The following NHS variants were observed in gnomAD, a reference collection of about 807,000 sequenced individuals.
NHS encodes NHS actin remodeling regulator, also known as actin remodeling regulator NHS.
Under a neutral mutation model 72.5 loss-of-function variants are expected in NHS, and 5 were observed. The ratio of observed to expected loss-of-function variants is 0.07; its 90% CI spans 0.04 to 0.14. The LOEUF (loss-of-function observed/expected upper bound fraction) is 0.14. Ranked by LOEUF, NHS falls within the 10% of genes least tolerant of loss-of-function variation. The pLI is 1.00. For missense variants in NHS, 1,072 were observed against 1,355.7 expected, an observed-to-expected ratio of 0.79 and a Z score of 3.29; for synonymous variants, 464 against 547.7, an observed-to-expected ratio of 0.85 and a Z score of 2.13.
intron 1 of NHS, among the ~76,000 whole-genome samples, chrX:17,422,838 C>T (rs1011530632): frequency 1.8e-5 from 2 of 111,368 alleles, no homozygotes; most frequent in African/African-American, 6.5e-5. Flanking sequence ...TTGTTATGTA[C>T]TTGGTTGAGT....
At chrX:17,544,145 C>T (rs1216174368) in intron 1 of NHS, among the ~76,000 whole-genome samples, 3 of 112,339 alleles carry the variant, frequency 2.7e-5, no homozygotes, top group Non-Finnish European at 3.7e-5. Flanking sequence ...TCATGTATAA[C>T]GTCATTTAAT....
intron 1 of NHS, chrX:17,635,644 G>A (rs2065842596): frequency 8.8e-7 from 1 of 1,130,138 alleles, no homozygotes; most frequent in Non-Finnish European, 1.2e-6. Flanking sequence ...AAAGGGGAGG[G>A]GGAGGCTGGG....
intron 1 of NHS, among the ~76,000 whole-genome samples, chrX:17,398,414 T>C (rs1223282156): frequency 8.9e-6 from 1 of 112,589 alleles, no homozygotes; most frequent in Non-Finnish European, 1.9e-5. Context: ...AAAATCAGCA[T>C]GTGAACAATC....
In NHS at chrX:17,376,008, CGCACGGAGAGGCGTCCGTGGCTG is replaced by C. The variant is rs2064344234; in HGVS notation, c.254_276del (p.His85ArgfsTer90). 1 of 1,081,981 alleles carries C rather than the reference CGCACGGAGAGGCGTCCGTGGCTG, an allele frequency of 9.2e-7. No homozygotes were observed. The highest frequency in any genetic ancestry group is 1.9e-5 in the African/African-American group (1 of 51,426). 89.2% of individuals were successfully genotyped at this position (1,081,981 alleles called of 1,213,427 possible). A position where few individuals can be genotyped will look rare whatever the true frequency, so the allele number is the denominator to read the frequency against. ...GCGCCGGCCGACCAGACTCAGCCGC[CGCACGGAGAGGCGTCCGTGGCTG>C]GCGAGGAGAGCACGGCGGGGATCCC... On this transcript the variant is annotated frameshift_variant, in exon 1 of 9. Coordinates refer to ENST00000676302, the MANE Select transcript of NHS (RefSeq NM_001291867.2). LOFTEE classifies it high-confidence loss of function.
intron 1 of NHS, among the ~76,000 whole-genome samples, chrX:17,608,083 T>G (rs2065690806): frequency 9.2e-6 from 1 of 108,804 alleles, no homozygotes; most frequent in African/African-American, 3.4e-5. Context: ...CCCAGCTAAT[T>G]TTTTTGTTTT....
chrX:17,686,285 G>A (rs1246055414), intron 1 of NHS, among the ~76,000 whole-genome samples: 2 of 111,954 alleles, frequency 1.8e-5, no homozygotes, highest in Admixed American at 1.9e-4. Flanking sequence ...AAGATAAATA[G>A]GAGGGGCTCA....
chrX:17,432,820 G>C (rs138209668), intron 1 of NHS, among the ~76,000 whole-genome samples: 3 of 110,903 alleles, frequency 2.7e-5, no homozygotes, highest in Non-Finnish European at 5.7e-5. Context: ...ACAATTTCAT[G>C]ACATGTTGCC....
intron 1 of NHS, among the ~76,000 whole-genome samples, chrX:17,550,775 G>A (rs1247222823): frequency 2.7e-5 from 3 of 111,802 alleles, no homozygotes; most frequent in Admixed American, 1.9e-4. Flanking sequence ...GTCATATCAC[G>A]TCTCTCCACT....
At chrX:17,574,710 T>C (rs1294339230) in intron 1 of NHS, among the ~76,000 whole-genome samples, 1 of 111,488 alleles carries the variant, frequency 9.0e-6, no homozygotes, top group Non-Finnish European at 1.9e-5. Flanking sequence ...CTGCACCCAC[T>C]GTCCAACCAG....
At chrX:17,509,313 G>A (rs1390352229) in intron 1 of NHS, among the ~76,000 whole-genome samples, 3 of 110,497 alleles carry the variant, frequency 2.7e-5, no homozygotes, top group Non-Finnish European at 5.7e-5. Flanking sequence ...TGCAACCTCC[G>A]CCTCCCAGGT....
intron 1 of NHS, among the ~76,000 whole-genome samples, chrX:17,664,215 T>C (rs1419893786): frequency 9.0e-6 from 1 of 110,979 alleles, no homozygotes; most frequent in African/African-American, 3.3e-5. Flanking sequence ...CAATTATCAA[T>C]GTTTTCTTTT....
At chrX:17,408,309 C>G (rs950566502) in intron 1 of NHS, among the ~76,000 whole-genome samples, 4 of 111,792 alleles carry the variant, frequency 3.6e-5, no homozygotes, top group African/African-American at 9.8e-5. Flanking sequence ...CCTGCCTGAA[C>G]AGTATATGCA....
chrX:17,471,184 C>A (rs1237831999), intron 1 of NHS, among the ~76,000 whole-genome samples: 1 of 112,486 alleles, frequency 8.9e-6, no homozygotes, highest in Non-Finnish European at 1.9e-5. Flanking sequence ...AAAGAACCAG[C>A]TTTTGGTTTG....
At chrX:17,637,120 G>A (rs778543819) in intron 1 of NHS, among the ~76,000 whole-genome samples, 1 of 111,439 alleles carries the variant, frequency 9.0e-6, no homozygotes, top group Admixed American at 9.5e-5. Context: ...TCCCCTCAGG[G>A]AACCAAGGAA....
chrX:17,714,932 T>C (rs188664499), intron 3 of NHS, among the ~76,000 whole-genome samples: 5 of 112,630 alleles, frequency 4.4e-5, no homozygotes, highest in African/African-American at 1.6e-4. Context: ...GCATTCATTA[T>C]ATAAAAGTGT....
intron 1 of NHS, among the ~76,000 whole-genome samples, chrX:17,597,076 T>G (rs916346149): frequency 2.7e-5 from 3 of 109,405 alleles, no homozygotes; most frequent in Non-Finnish European, 5.7e-5. Context: ...AACTAGCCAG[T>G]GTGTCATACA....
intron 1 of NHS, among the ~76,000 whole-genome samples, chrX:17,509,376 G>A (rs1327380205): frequency 9.1e-6 from 1 of 110,122 alleles, no homozygotes; most frequent in Non-Finnish European, 1.9e-5. Flanking sequence ...ACAGGCACCC[G>A]CCATGATGCC....
At position 17,518,892 on chromosome X, in the gene NHS, C is replaced by A. The variant is rs145485105; in HGVS notation, c.565+142570C>A. ...TTAAAAGCACCAGCTTCCCAGCCAG[C>A]TGAGACCTGGGTTCATAACTTGACT... On this transcript the variant is annotated intron_variant, in intron 1 of 8. Coordinates refer to ENST00000676302, the MANE Select transcript of NHS (RefSeq NM_001291867.2). Among the ~76,000 whole-genome samples, 599 of 112,084 alleles carry A rather than the reference C, an allele frequency of 5.3e-3. 3 individuals carry two copies. The highest frequency in any genetic ancestry group is 0.018 in the African/African-American group (555 of 30,911).
intron 1 of NHS, among the ~76,000 whole-genome samples, chrX:17,604,346 A>C (rs747055070): frequency 5.4e-5 from 6 of 111,758 alleles, no homozygotes; most frequent in African/African-American, 1.6e-4. Flanking sequence ...AACCTATCAA[A>C]GCCTTTAATA....
Sources: allele counts gnomAD v4.1 joint callset (sites outside exome capture counted in the v4.1 genomes callset), GRCh38; gene constraint gnomAD v4.1.1; transcripts MANE v1.5; gene names NCBI Gene and HGNC (gene_info 2026-07-23, HGNC 2026-07-21).